The following LRP11 variants were observed in gnomAD, a reference collection of about 807,000 sequenced individuals.
LRP11 encodes the protein low-density lipoprotein receptor-related protein 11.
Under a neutral mutation model 43.1 loss-of-function variants are expected in LRP11, and 25 were observed. That is an observed-to-expected ratio of 0.58 (90% CI 0.42 to 0.81). The LOEUF is 0.81. LRP11 is among the 30% of genes least tolerant of loss of function. The pLI, the probability that LRP11 is intolerant of heterozygous loss-of-function variation, is 0.00. For synonymous variants in LRP11, 316 were observed against 299.4 expected (o/e 1.06, Z -0.57); for missense variants, 623 against 665.1 (o/e 0.94, Z 0.70).
chr6:149,857,270 G>A (rs1776813676), intron 1 of LRP11, among the ~76,000 whole-genome samples: 1 of 152,152 alleles, frequency 6.6e-6, no homozygotes. Flanking sequence ...GGTGATTCAT[G>A]CTTGTAATCC....
intron 3 of LRP11, chr6:149,842,743 C>CG: frequency 6.7e-7 from 1 of 1,487,340 alleles, no homozygotes; most frequent in Non-Finnish European, 9.2e-7. Flanking sequence ...TCAAGAGAAG[C>CG]GGGAGCATCT....
At chr6:149,836,016 CT>C (rs1484039977) in intron 5 of LRP11, 68 bp downstream of exon 5, 1 of 1,395,626 alleles carries the variant, frequency 7.2e-7, no homozygotes, top group Non-Finnish European at 1.0e-6. Context: ...CAAACATAAA[CT>C]TAATTGTGAG....
chr6:149,836,442 A>T, intron 4 of LRP11, 145 bp from the exon 5 acceptor site: 1 of 680,440 alleles, frequency 1.5e-6, no homozygotes, highest in Non-Finnish European at 2.5e-6. Context: ...GGACCATAAA[A>T]ATCTATTCTC....
At chr6:149,834,420 G>A (rs1175051807) in intron 5 of LRP11, among the ~76,000 whole-genome samples, 2 of 152,194 alleles carry the variant, frequency 1.3e-5, no homozygotes, top group African/African-American at 4.8e-5. Context: ...TCTAAAGGTA[G>A]AGCCAAGACC....
intron 2 of LRP11, among the ~76,000 whole-genome samples, chr6:149,851,295 G>A (rs1280552488): frequency 6.6e-6 from 1 of 152,216 alleles, no homozygotes; most frequent in Non-Finnish European, 1.5e-5. Flanking sequence ...CTGGATCACA[G>A]TAGGTAATGA....
chr6:149,837,791 C>A (rs1562439905), intron 3 of LRP11, among the ~76,000 whole-genome samples: 1 of 152,202 alleles, frequency 6.6e-6, no homozygotes, highest in Admixed American at 6.5e-5. Flanking sequence ...CCTCTTCATT[C>A]ATTCATTCAT....
chr6:149,864,037 G>C lies in LRP11; in HGVS notation c.-17C>G. On this transcript the variant is annotated 5_prime_UTR_variant, in exon 1 of 7. Transcript: ENST00000239367. ...GGAGGCCATGGCGACGAGAGCCAAG[G>C]GCAGCGAGCCGAGGCGGGGCTGAGC... 7.6e-7 allele frequency: 1 copy of C among 1,313,602 alleles called. No individual in the cohort carries two copies. Among genetic ancestry groups the C allele is most frequent in the Non-Finnish European group, 9.6e-7 (1 of 1,038,122 alleles). The allele number at this position is 1,313,602 out of a possible 1,614,324, so 81.4% of individuals were successfully genotyped here.
chr6:149,850,541 T>C (rs1236171841), intron 2 of LRP11, among the ~76,000 whole-genome samples: 1 of 152,174 alleles, frequency 6.6e-6, no homozygotes, highest in East Asian at 1.9e-4. Context: ...AGACTACACA[T>C]ATACAGGCAA....
chr6:149,863,421 G>C lies in LRP11; in HGVS notation c.600C>G (p.Ala200=), dbSNP rs754346516. The change falls in exon 1 of 7, where the codon GCC becomes GCG. Residue 200 remains alanine, a synonymous_variant. Transcript: ENST00000239367. ...PDGAALATAR[A]SPRQEKDAPP... ...TCGCGCGCTTACCCTGCCGGGGCGA[G>C]GCGCGCGCGGTGGCCAGGGCGGCGC... 2 of 1,320,952 alleles carry C rather than the reference G, an allele frequency of 1.5e-6. No homozygotes were observed. Among genetic ancestry groups the C allele is most frequent in the East Asian group, 2.9e-5 (1 of 34,058 alleles). 81.8% of individuals were successfully genotyped at this position (1,320,952 alleles called of 1,614,324 possible).
At position 149,842,094 on chromosome 6, in the gene LRP11, T is replaced by C. The variant is rs75791154; in HGVS notation, c.913+889A>G. Among the ~76,000 whole-genome samples the C allele has an allele frequency of 3.6e-3, 543 of 152,320 alleles. 3 individuals are homozygous for C. The highest frequency in any genetic ancestry group is 0.012 in the African/African-American group (511 of 41,562). On this transcript the variant is annotated intron_variant, in intron 3 of 6. Coordinates refer to ENST00000239367, the MANE Select transcript of LRP11 (RefSeq NM_032832.6). The stretch of plus-strand genomic sequence containing the variant: ...AAAATGTGTAGGTAGCACTTTCAAA[T>C]TGATGGGTCCTTTGCGTATTTCAAT...
Position 149,820,175 on chromosome 6 carries a change from A to G in LRP11, c.*374T>C, listed in dbSNP as rs960018259. On this transcript the variant is annotated 3_prime_UTR_variant, in exon 7 of 7. Coordinates refer to ENST00000239367, the MANE Select transcript of LRP11 (RefSeq NM_032832.6). ...CACAGAACAAGGGGAAGCTGGGCCT[A>G]TAGCAGTCCAGCATGGTAAGGGGCC... is the stretch of plus-strand genomic sequence containing the variant. The G allele has an allele frequency of 2.0e-4, 32 of 163,264 alleles. No homozygotes were observed. The highest frequency in any genetic ancestry group is 3.0e-4 in the Non-Finnish European group (23 of 75,794). 10.1% of individuals were successfully genotyped at this position (163,264 alleles called of 1,614,324 possible).
At chr6:149,835,535 G>C (rs2115383151) in intron 5 of LRP11, among the ~76,000 whole-genome samples, 1 of 152,300 alleles carries the variant, frequency 6.6e-6, no homozygotes, top group East Asian at 1.9e-4. Flanking sequence ...GTGAGTTTGG[G>C]AGGCTGAGGC....
rs1776262349 is a variant in LRP11, at chr6:149,820,340, T to A, written c.*209A>T. ...TAAATCAGAATTATATTTTTAGGAA[T>A]CTTTAATCATGAATTCCTCTCTAAA... is the stretch of plus-strand genomic sequence containing the variant. On this transcript the variant is annotated 3_prime_UTR_variant, in exon 7 of 7. Transcript: ENST00000239367. 2.4e-6 allele frequency: 1 copy of A among 416,776 alleles called. No homozygotes were observed. The highest frequency in any genetic ancestry group is 4.2e-6 in the Non-Finnish European group (1 of 235,664). 25.8% of individuals were successfully genotyped at this position (416,776 alleles called of 1,614,324 possible). A position where few individuals can be genotyped will look rare whatever the true frequency, so the allele number is the denominator to read the frequency against.
rs1452846615 is a variant in LRP11 at position 149,836,117 on chromosome 6, C to A, written c.1220G>T (p.Gly407Val). The A allele has an allele frequency of 1.9e-6, 3 of 1,614,100 alleles. No homozygotes were observed. The highest frequency in any genetic ancestry group is 2.2e-5 in the South Asian group (2 of 91,054). ...CACAGGAATGATTTGACTCTCTGGT[C>A]CCCAAAAGGCGGAATGATTCCTCTT... ...TEKRNHSAFW[G>V]PESQIIPVMP... Residue 407 changes from glycine (G) to valine (V), a missense_variant, in exon 5 of 7, where the codon GGA becomes GTA. Transcript: ENST00000239367.
chr6:149,851,071 A>G (rs528979650), intron 2 of LRP11, among the ~76,000 whole-genome samples: 1 of 152,304 alleles, frequency 6.6e-6, no homozygotes, highest in African/African-American at 2.4e-5. Context: ...GACAGTCACA[A>G]ATTGGTAACA....
chr6:149,819,370 T>C lies in LRP11; in HGVS notation c.*1179A>G, dbSNP rs1776249522. On this transcript the variant is annotated 3_prime_UTR_variant, in exon 7 of 7. Coordinates refer to ENST00000239367, the MANE Select transcript of LRP11 (RefSeq NM_032832.6). The stretch of plus-strand genomic sequence containing the variant: ...AGATAGGCACCATACTATACACTCC[T>C]CTCAGAATCATTTCTAGAATGTGTA... The C allele has an allele frequency of 6.6e-6, 1 of 151,600 alleles. No individual in the cohort carries two copies. The highest frequency in any genetic ancestry group is 2.4e-5 in the African/African-American group (1 of 41,196). 9.4% of individuals were successfully genotyped at this position (151,600 alleles called of 1,614,324 possible).
At chr6:149,855,264 AC>A (rs1776781244) in intron 1 of LRP11, among the ~76,000 whole-genome samples, 1 of 152,188 alleles carries the variant, frequency 6.6e-6, no homozygotes, top group Admixed American at 6.5e-5. Flanking sequence ...ACTTTCTCAG[AC>A]CCTAACATCT....
intron 5 of LRP11, among the ~76,000 whole-genome samples, chr6:149,835,524 T>C (rs1049628294): frequency 9.2e-5 from 14 of 152,108 alleles, no homozygotes; most frequent in African/African-American, 3.1e-4. Context: ...GGGAGGATCA[T>C]GTGAGTTTGG....
At chr6:149,862,888 T>C (rs951441687) in intron 1 of LRP11, among the ~76,000 whole-genome samples, 2 of 152,096 alleles carry the variant, frequency 1.3e-5, no homozygotes, top group African/African-American at 4.8e-5. Flanking sequence ...CCTTAAAGTT[T>C]CTTATTTTCA....
Sources: gnomAD v4.1 joint callset for allele counts (sites outside exome capture counted in the v4.1 genomes callset) on GRCh38, gnomAD v4.1.1 for gene constraint, MANE v1.5 for transcripts, NCBI Gene and HGNC (gene_info 2026-07-23, HGNC 2026-07-21) for gene names.